KCNMA1: variants seen among roughly 807,000 people sequenced by gnomAD.
KCNMA1 encodes the protein potassium calcium-activated channel subfamily M alpha 1.
In KCNMA1, 29 loss-of-function variants were observed where a neutral mutation model predicts 140.0. The ratio of observed to expected loss-of-function variants is 0.21; its 90% CI spans 0.15 to 0.28. The LOEUF is 0.28. Among genes scored for constraint, KCNMA1 ranks in the 10% least tolerant of loss-of-function variants. The pLI is 1.00. For missense variants in KCNMA1, 880 were observed against 1,602.2 expected (o/e 0.55, Z 7.70); for synonymous variants, 612 against 611.9 (o/e 1.00, Z 0.00).
intron 1 of KCNMA1, among the ~76,000 whole-genome samples, chr10:77,515,286 G>A (rs1261693881): frequency 6.6e-6 from 1 of 151,734 alleles, no homozygotes; most frequent in African/African-American, 2.4e-5. Flanking sequence ...GCACACAAAG[G>A]TACATTTTCA....
chr10:77,104,944 C>A (rs535076030), intron 9 of KCNMA1, among the ~76,000 whole-genome samples: 2 of 152,154 alleles, frequency 1.3e-5, no homozygotes, highest in African/African-American at 2.4e-5. Flanking sequence ...GAGGCAGTGG[C>A]CTTGGGAGGC....
At chr10:77,420,901 T>C (rs1182463430) in intron 1 of KCNMA1, among the ~76,000 whole-genome samples, 3 of 152,206 alleles carry the variant, frequency 2.0e-5, no homozygotes, top group African/African-American at 4.8e-5. Context: ...AATGGTACAA[T>C]TCCCACTTAG....
At chr10:77,245,829 C>T (rs1212739843) in intron 3 of KCNMA1, among the ~76,000 whole-genome samples, 1 of 152,090 alleles carries the variant, frequency 6.6e-6, no homozygotes, top group Non-Finnish European at 1.5e-5. Context: ...GAACAATCAG[C>T]TCTCCTTGTT....
chr10:77,357,832 G>C (rs770324347), intron 2 of KCNMA1, among the ~76,000 whole-genome samples: 1 of 152,152 alleles, frequency 6.6e-6, no homozygotes, highest in Non-Finnish European at 1.5e-5. Flanking sequence ...AGTCACAACT[G>C]TAAGCTGGTG....
At chr10:77,296,995 C>T (rs1318418821) in intron 2 of KCNMA1, among the ~76,000 whole-genome samples, 1 of 152,028 alleles carries the variant, frequency 6.6e-6, no homozygotes, top group African/African-American at 2.4e-5. Flanking sequence ...GGACTTCCCC[C>T]AGCCTTTGAA....
chr10:77,036,632 C>T (rs2094354111), intron 15 of KCNMA1, among the ~76,000 whole-genome samples: 1 of 152,154 alleles, frequency 6.6e-6, no homozygotes, highest in South Asian at 2.1e-4. Flanking sequence ...TCTTCGTGAA[C>T]CAGCTTAAAA....
intron 1 of KCNMA1, among the ~76,000 whole-genome samples, chr10:77,566,398 T>C (rs2068332161): frequency 6.6e-6 from 1 of 152,120 alleles, no homozygotes; most frequent in Admixed American, 6.6e-5. Flanking sequence ...GAACATGAAG[T>C]TTCCAATTAC....
intron 1 of KCNMA1, among the ~76,000 whole-genome samples, chr10:77,482,578 G>A (rs984923816): frequency 6.6e-6 from 1 of 152,052 alleles, no homozygotes; most frequent in African/African-American, 2.4e-5. Flanking sequence ...AAGCACCACA[G>A]GGCCATTTGG....
chr10:77,192,315 C>T (rs2038866982), intron 3 of KCNMA1, among the ~76,000 whole-genome samples: 1 of 152,118 alleles, frequency 6.6e-6, no homozygotes, highest in Non-Finnish European at 1.5e-5. Context: ...TTATGAAGTT[C>T]TTTTAAATTT....
chr10:77,608,250 G>A (rs762875819), intron 1 of KCNMA1, among the ~76,000 whole-genome samples: 10 of 152,188 alleles, frequency 6.6e-5, no homozygotes, highest in Non-Finnish European at 1.2e-4. Flanking sequence ...TTGGTTCACT[G>A]CAACCTCCAC....
intron 1 of KCNMA1, among the ~76,000 whole-genome samples, chr10:77,562,991 AT>A (rs2066892651): frequency 6.6e-6 from 1 of 151,940 alleles, no homozygotes; most frequent in Non-Finnish European, 1.5e-5. Flanking sequence ...AAATTACGCT[AT>A]GCCCTGAAAT....
chr10:77,411,813 A>C (rs2096625648), intron 1 of KCNMA1, among the ~76,000 whole-genome samples: 1 of 152,166 alleles, frequency 6.6e-6, no homozygotes, highest in African/African-American at 2.4e-5. Flanking sequence ...CGGAACCATA[A>C]ATTCACCCTT....
chr10:77,266,079 C>CAAAAA (rs71975813), intron 2 of KCNMA1, among the ~76,000 whole-genome samples: 34 of 137,502 alleles, frequency 2.5e-4, no homozygotes, highest in Middle Eastern at 3.8e-3. Context: ...GAAAACCTGC[C>CAAAAA]AAAAAAAAAA....
intron 1 of KCNMA1, among the ~76,000 whole-genome samples, chr10:77,476,414 C>T (rs73282833): frequency 0.017 from 2,518 of 152,232 alleles, 40 homozygotes; most frequent in Middle Eastern, 0.044. Context: ...CTCTCTCCTG[C>T]TGCTCTGCCC....
Position 77,434,181 on chromosome 10 carries a change from G to A in KCNMA1, c.379-30158C>T, listed in dbSNP as rs1256620397. Among the ~76,000 whole-genome samples, 3 of 152,218 alleles carry A rather than the reference G, an allele frequency of 2.0e-5. No individual in the cohort carries two copies. In the East Asian group the frequency reaches 5.8e-4, roughly 29 times the overall value. On this transcript the variant is annotated intron_variant, in intron 1 of 27. Transcript: ENST00000286628. ...CCAGCGCTACAGCCTGCTGACCACT[G>A]GCAAGGGGCCTTGGCACATCTAGAC... is the stretch of plus-strand genomic sequence containing the variant.
At chr10:76,871,445 C>CGTTG (rs2031317125) in exon 28 of KCNMA1, 5 of 152,426 alleles carry the variant, frequency 3.3e-5, no homozygotes, top group Non-Finnish European at 5.9e-5. Context: ...ACAATCCCAA[C>CGTTG]CAATCTTCTA....
chr10:77,188,179 C>A (rs1312961283), intron 3 of KCNMA1, among the ~76,000 whole-genome samples: 2 of 151,036 alleles, frequency 1.3e-5, no homozygotes, highest in East Asian at 1.9e-4. Flanking sequence ...GAAAAAAAAA[C>A]TACAAAGGAA....
chr10:77,256,968 G>T (rs2060906477), intron 2 of KCNMA1, among the ~76,000 whole-genome samples: 1 of 152,030 alleles, frequency 6.6e-6, no homozygotes, highest in Admixed American at 6.6e-5. Flanking sequence ...AATTATCCAG[G>T]CATGATAGCA....
intron 3 of KCNMA1, among the ~76,000 whole-genome samples, chr10:77,220,964 A>G (rs1053354279): frequency 3.9e-5 from 6 of 152,182 alleles, no homozygotes; most frequent in Admixed American, 1.3e-4. Flanking sequence ...CTTAATAGAG[A>G]GTGGATAGGT....
Sources: gnomAD v4.1 joint callset for allele counts (sites outside exome capture counted in the v4.1 genomes callset) on GRCh38, gnomAD v4.1.1 for gene constraint, MANE v1.5 for transcripts, NCBI Gene and HGNC (gene_info 2026-07-23, HGNC 2026-07-21) for gene names.